NECAB1: variants seen among roughly 807,000 people sequenced by gnomAD.
NECAB1 encodes the protein N-terminal EF-hand calcium binding protein 1, also known as N-terminal EF-hand calcium-binding protein 1.
In NECAB1, 29 loss-of-function variants were observed where a neutral mutation model predicts 57.5. That is an observed-to-expected ratio of 0.50 (90% CI 0.38 to 0.69). The LOEUF is 0.69. NECAB1 is among the 30% of genes least tolerant of loss of function. The pLI is 0.00. For synonymous variants in NECAB1, 142 were observed against 147.7 expected (o/e 0.96, Z 0.28); for missense variants, 372 against 413.8 (o/e 0.90, Z 0.88).
chr8:90,931,196 G>C (rs1257457428), intron 8 of NECAB1, among the ~76,000 whole-genome samples: 1 of 152,180 alleles, frequency 6.6e-6, no homozygotes, highest in Admixed American at 6.5e-5. Context: ...AGTGTGAGCT[G>C]TCTTAATGAA....
At chr8:90,881,655 C>T (rs1198967262) in intron 5 of NECAB1, among the ~76,000 whole-genome samples, 1 of 152,176 alleles carries the variant, frequency 6.6e-6, no homozygotes, top group Non-Finnish European at 1.5e-5. Context: ...TGAAAGCTCC[C>T]TGAGGCCTCC....
At chr8:90,913,272 T>C (rs1809871407) in intron 5 of NECAB1, among the ~76,000 whole-genome samples, 1 of 152,206 alleles carries the variant, frequency 6.6e-6, no homozygotes, top group Admixed American at 6.5e-5. Flanking sequence ...AATGTGTAGA[T>C]TGAAATGTTT....
intron 3 of NECAB1, among the ~76,000 whole-genome samples, chr8:90,861,645 T>C (rs995339429): frequency 6.6e-6 from 1 of 152,208 alleles, no homozygotes; most frequent in Non-Finnish European, 1.5e-5. Context: ...CTTTAGTGGA[T>C]ACTAATTATG....
rs984706410 is a variant in NECAB1, at chr8:90,957,799, C to T, written c.*2287C>T. ...AACGAAGATTTTTTTCTATTTAAAACCCCATTTTCCTAAAGAACAAAGTAG... is the reference window on the plus strand; with the variant it reads ...AACGAAGATTTTTTTCTATTTAAAATCCCATTTTCCTAAAGAACAAAGTAG... On this transcript the variant is annotated 3_prime_UTR_variant, in exon 13 of 13. Transcript: ENST00000417640. 1 of 148,112 alleles carries T rather than the reference C, an allele frequency of 6.8e-6. No homozygotes were observed. The highest frequency in any genetic ancestry group is 1.5e-5 in the Non-Finnish European group (1 of 66,860). 9.2% of individuals were successfully genotyped at this position (148,112 alleles called of 1,614,324 possible).
chr8:90,923,404 G>A (rs960852323), intron 6 of NECAB1, among the ~76,000 whole-genome samples: 6 of 152,202 alleles, frequency 3.9e-5, no homozygotes, highest in African/African-American at 7.2e-5. Context: ...CAGTTGGGGC[G>A]TGCTTCTTTG....
intron 2 of NECAB1, among the ~76,000 whole-genome samples, chr8:90,802,781 T>C (rs1811781668): frequency 6.6e-6 from 1 of 152,240 alleles, no homozygotes; most frequent in Non-Finnish European, 1.5e-5. Context: ...GCCATCAAAA[T>C]ATTTTCTCAG....
At chr8:90,907,914 A>G (rs1809731809) in intron 5 of NECAB1, among the ~76,000 whole-genome samples, 1 of 152,230 alleles carries the variant, frequency 6.6e-6, no homozygotes, top group Non-Finnish European at 1.5e-5. Context: ...ACATATTTAT[A>G]AACTACTATT....
chr8:90,920,225 A>T (rs1398947814), intron 6 of NECAB1, among the ~76,000 whole-genome samples: 2 of 152,188 alleles, frequency 1.3e-5, no homozygotes, highest in Non-Finnish European at 2.9e-5. Flanking sequence ...TCCCACCCCA[A>T]ATCTGTGATA....
At chr8:90,905,072 T>C (rs190023289) in intron 5 of NECAB1, among the ~76,000 whole-genome samples, 215 of 143,244 alleles carry the variant, frequency 1.5e-3, no homozygotes, top group African/African-American at 5.1e-3. Flanking sequence ...TAACTTTCAC[T>C]TTATTAAGTT....
At chr8:90,839,884 T>C (rs1221127866) in intron 3 of NECAB1, among the ~76,000 whole-genome samples, 1 of 152,194 alleles carries the variant, frequency 6.6e-6, no homozygotes, top group East Asian at 1.9e-4. Flanking sequence ...ATTAGGTTTA[T>C]GTTTTCAAAA....
chr8:90,871,561 G>A (rs943003047), intron 3 of NECAB1, among the ~76,000 whole-genome samples: 2 of 152,072 alleles, frequency 1.3e-5, no homozygotes, highest in Non-Finnish European at 2.9e-5. Context: ...TATGAAATAA[G>A]CATTGAATCA....
intron 5 of NECAB1, among the ~76,000 whole-genome samples, chr8:90,906,075 A>T (rs1809637086): frequency 6.6e-6 from 1 of 152,104 alleles, no homozygotes; most frequent in Admixed American, 6.5e-5. Flanking sequence ...ATGTGCGGGT[A>T]GATTGGCATT....
At chr8:90,852,964 T>A (rs146355159) in intron 3 of NECAB1, among the ~76,000 whole-genome samples, 261 of 152,346 alleles carry the variant, frequency 1.7e-3, no homozygotes, top group African/African-American at 6.0e-3. Context: ...AGCCACCTCA[T>A]GCGAAAAGGC....
intron 5 of NECAB1, among the ~76,000 whole-genome samples, chr8:90,900,976 A>G (rs906913766): frequency 3.3e-5 from 5 of 152,224 alleles, no homozygotes; most frequent in African/African-American, 1.2e-4. Flanking sequence ...TTTCAGTGGT[A>G]AAAAATAGAC....
intron 2 of NECAB1, among the ~76,000 whole-genome samples, chr8:90,815,103 C>G (rs2129683388): frequency 6.6e-6 from 1 of 152,186 alleles, no homozygotes; most frequent in East Asian, 1.9e-4. Flanking sequence ...AGTGAGAAAA[C>G]TGGCTCCTAG....
chr8:90,872,058 A>G (rs1259858694), intron 3 of NECAB1, 70 bp from the exon 4 acceptor site: 1 of 1,209,070 alleles, frequency 8.3e-7, no homozygotes, highest in African/African-American at 1.5e-5. Context: ...ACTGTATTTA[A>G]CTATTTAAAA....
chr8:90,952,396 A>C (rs1810939394), intron 12 of NECAB1, among the ~76,000 whole-genome samples: 1 of 152,158 alleles, frequency 6.6e-6, no homozygotes, highest in Admixed American at 6.6e-5. Context: ...TTCTTTAAGC[A>C]GTGGAGTATC....
chr8:90,864,289 G>A (rs1230190998), intron 3 of NECAB1, among the ~76,000 whole-genome samples: 2 of 135,764 alleles, frequency 1.5e-5, no homozygotes, highest in Non-Finnish European at 3.1e-5. Flanking sequence ...AAAAAAAAAC[G>A]AGGAAGGAAG....
rs1302154632 is a variant in NECAB1 at position 90,954,928 on chromosome 8, G to GTATTATATGTATACATACATGTATACA, written c.1031-545_1031-519dup. Among the ~76,000 whole-genome samples, 628 of 146,400 alleles carry GTATTATATGTATACATACATGTATACA rather than the reference G, an allele frequency of 4.3e-3. 1 individual carries two copies. The highest frequency in any genetic ancestry group is 0.026 in the Middle Eastern group (7 of 272). On this transcript the variant is annotated intron_variant, in intron 12 of 12. Coordinates refer to ENST00000417640, the MANE Select transcript of NECAB1 (RefSeq NM_022351.5). ...TATGTATGTGTATACAAATGCATAT[G>GTATTATATGTATACATACATGTATACA]TATTATATGTATACATACATGTATA...
Sources: gnomAD v4.1 joint callset for allele counts (sites outside exome capture counted in the v4.1 genomes callset) on GRCh38, gnomAD v4.1.1 for gene constraint, MANE v1.5 for transcripts, NCBI Gene and HGNC (gene_info 2026-07-23, HGNC 2026-07-21) for gene names.